ASIC2: variants seen among roughly 807,000 people sequenced by gnomAD.
The protein encoded by ASIC2 is acid-sensing ion channel 2.
ASIC2 carries 25 observed loss-of-function variants against 57.3 expected under a neutral mutation model. That is an observed-to-expected ratio of 0.44 (90% CI 0.32 to 0.61). The LOEUF is 0.61. ASIC2 is among the 20% of genes least tolerant of loss of function. ASIC2 has a pLI of 0.06. For missense variants in ASIC2, 641 were observed against 738.1 expected, an observed-to-expected ratio of 0.87 and a Z score of 1.52; for synonymous variants, 319 against 307.5, an observed-to-expected ratio of 1.04 and a Z score of -0.39.
chr17:33,221,716 C>A (rs915949412), intron 1 of ASIC2, among the ~76,000 whole-genome samples: 7 of 152,058 alleles, frequency 4.6e-5, no homozygotes, highest in Admixed American at 3.9e-4. Flanking sequence ...TTTGTTTGAG[C>A]TTTAAAATAT....
intron 1 of ASIC2, among the ~76,000 whole-genome samples, chr17:33,152,502 G>A (rs747576423): frequency 9.9e-5 from 15 of 152,210 alleles, no homozygotes; most frequent in Non-Finnish European, 2.1e-4. Context: ...CAGGAAGGGA[G>A]AGATAACAAC....
intron 1 of ASIC2, among the ~76,000 whole-genome samples, chr17:34,101,632 A>G (rs1910867753): frequency 6.6e-6 from 1 of 152,214 alleles, no homozygotes; most frequent in African/African-American, 2.4e-5. Flanking sequence ...GGAACCACCA[A>G]TCTCAAATCC....
At chr17:33,307,064 A>G (rs1007881373) in intron 1 of ASIC2, among the ~76,000 whole-genome samples, 4 of 152,086 alleles carry the variant, frequency 2.6e-5, no homozygotes, top group Non-Finnish European at 5.9e-5. Context: ...CCCTGGCCCC[A>G]TCCACCTACA....
intron 1 of ASIC2, among the ~76,000 whole-genome samples, chr17:33,172,591 G>C (rs2142050148): frequency 6.6e-6 from 1 of 152,326 alleles, no homozygotes; most frequent in African/African-American, 2.4e-5. Flanking sequence ...AGAGAGGCTA[G>C]TTACCCATCA....
chr17:33,248,913 G>C (rs947524824), intron 1 of ASIC2, among the ~76,000 whole-genome samples: 6 of 152,146 alleles, frequency 3.9e-5, no homozygotes, highest in East Asian at 1.9e-4. Flanking sequence ...CAGCTTCCTG[G>C]GGTTGGTACT....
Position 33,292,157 on chromosome 17 carries a change from C to T in ASIC2, c.-42G>A, listed in dbSNP as rs1905505261. 1 of 1,024,056 alleles carries T rather than the reference C, an allele frequency of 9.8e-7. No individual in the cohort carries two copies. Among genetic ancestry groups the T allele is most frequent in the Non-Finnish European group, 1.2e-6 (1 of 857,288 alleles). The allele number at this position is 1,024,056 out of a possible 1,614,324, so 63.4% of individuals were successfully genotyped here. On this transcript the variant is annotated 5_prime_UTR_variant, in exon 1 of 10. Coordinates refer to ENST00000225823, the MANE Select transcript of ASIC2 (RefSeq NM_183377.2). Reference sequence around the variant, plus strand: ...TGGCGGCAGCGGCGGCGGCCCCGGCCGGGCGGAGCCGCCATGGGAGTCCGC... The same window carrying T: ...TGGCGGCAGCGGCGGCGGCCCCGGCTGGGCGGAGCCGCCATGGGAGTCCGC...
intron 3 of ASIC2, among the ~76,000 whole-genome samples, chr17:33,045,816 T>C (rs2091952027): frequency 6.6e-6 from 1 of 152,250 alleles, no homozygotes; most frequent in African/African-American, 2.4e-5. Context: ...TCTTTTTCTT[T>C]TTATGGTTGC....
chr17:33,801,092 C>T (rs1015837718), intron 1 of ASIC2, among the ~76,000 whole-genome samples: 9 of 152,330 alleles, frequency 5.9e-5, no homozygotes, highest in Admixed American at 2.6e-4. Flanking sequence ...AAGTCCACTT[C>T]GTCAGAAAGC....
intron 1 of ASIC2, among the ~76,000 whole-genome samples, chr17:34,015,253 G>A (rs1328968705): frequency 6.6e-6 from 1 of 151,978 alleles, no homozygotes; most frequent in Non-Finnish European, 1.5e-5. Context: ...AATTTGGGGT[G>A]ACAGAAAGGC....
At chr17:33,899,281 G>A (rs565932160) in intron 1 of ASIC2, among the ~76,000 whole-genome samples, 49 of 152,296 alleles carry the variant, frequency 3.2e-4, no homozygotes, top group Middle Eastern at 3.4e-3. Context: ...CCAGCTGTCA[G>A]CACCGAGATG....
At chr17:34,119,064 G>A (rs950836737) in intron 1 of ASIC2, among the ~76,000 whole-genome samples, 1 of 152,222 alleles carries the variant, frequency 6.6e-6, no homozygotes, top group African/African-American at 2.4e-5. Flanking sequence ...CCTATAAGCT[G>A]TCTCCATCCT....
intron 1 of ASIC2, among the ~76,000 whole-genome samples, chr17:33,924,760 G>C (rs896509962): frequency 6.6e-6 from 1 of 152,268 alleles, no homozygotes; most frequent in East Asian, 1.9e-4. Flanking sequence ...CTGCTGTCTC[G>C]GGCTGTTCAA....
intron 1 of ASIC2, among the ~76,000 whole-genome samples, chr17:34,007,120 G>A (rs1906553619): frequency 6.6e-6 from 1 of 152,218 alleles, no homozygotes; most frequent in South Asian, 2.1e-4. Context: ...TTCCTGGAAG[G>A]TAACAGCAGC....
chr17:33,178,298 A>G (rs1242759429), intron 1 of ASIC2, among the ~76,000 whole-genome samples: 1 of 152,152 alleles, frequency 6.6e-6, no homozygotes, highest in Non-Finnish European at 1.5e-5. Flanking sequence ...ATTTTAAAAT[A>G]TGACTGTCAT....
chr17:33,869,784 T>C (rs1914341073), intron 1 of ASIC2, among the ~76,000 whole-genome samples: 1 of 152,226 alleles, frequency 6.6e-6, no homozygotes, highest in Admixed American at 6.5e-5. Flanking sequence ...AATTCCTTTT[T>C]TGGGATAATA....
chr17:34,091,780 A>T (rs1182474460), intron 1 of ASIC2, among the ~76,000 whole-genome samples: 1 of 152,238 alleles, frequency 6.6e-6, no homozygotes, highest in Non-Finnish European at 1.5e-5. Context: ...TTGACTTCCA[A>T]GAGGCAGTTA....
intron 1 of ASIC2, among the ~76,000 whole-genome samples, chr17:33,808,090 CATATAAAAAGTCAT>C (rs771652259): frequency 1.3e-5 from 2 of 152,188 alleles, no homozygotes; most frequent in Non-Finnish European, 2.9e-5. Flanking sequence ...TTTGGTGTTA[CATATAAAAAGTCAT>C]TGCCAAGTCC....
intron 1 of ASIC2, among the ~76,000 whole-genome samples, chr17:33,308,992 A>C (rs1274426900): frequency 1.3e-5 from 2 of 152,198 alleles, no homozygotes; most frequent in Non-Finnish European, 2.9e-5. Context: ...CTCTGATTCC[A>C]GGCTGATAAA....
intron 1 of ASIC2, among the ~76,000 whole-genome samples, chr17:33,336,084 T>G (rs320635): frequency 0.83 from 126,120 of 151,978 alleles, 52,389 homozygotes; most frequent in East Asian, 1. Flanking sequence ...TCACAGACCT[T>G]GGTCTGCCTC....
Sources: gnomAD v4.1 joint callset for allele counts (sites outside exome capture counted in the v4.1 genomes callset) on GRCh38, gnomAD v4.1.1 for gene constraint, MANE v1.5 for transcripts, NCBI Gene and HGNC (gene_info 2026-07-23, HGNC 2026-07-21) for gene names.